Variants in HCK observed in about 807,000 individuals in gnomAD.
HCK encodes tyrosine-protein kinase HCK.
In HCK, 40 loss-of-function variants were observed where a neutral mutation model predicts 70.4. The observed-to-expected ratio is 0.57, with a 90% CI of 0.44 to 0.74. HCK has a LOEUF of 0.74. Among genes scored for constraint, HCK ranks in the 30% least tolerant of loss-of-function variants. The probability of loss-of-function intolerance (pLI) is 0.00; values close to 1 mark genes in which losing one functional copy is unlikely to be tolerated. For missense variants in HCK, 568 were observed against 697.2 expected (o/e 0.81, Z 2.09); for synonymous variants, 245 against 263.2 (o/e 0.93, Z 0.67).
At chr20:32,075,128 G>T (rs1475860264) in intron 5 of HCK, among the ~76,000 whole-genome samples, 3 of 152,152 alleles carry the variant, frequency 2.0e-5, no homozygotes, top group Admixed American at 1.3e-4. Flanking sequence ...TGAAGCACAC[G>T]GTCTTGCCAA....
Position 32,061,311 on chromosome 20 carries a change from G to A in HCK, c.62+8825G>A, listed in dbSNP as rs537662932. Among the ~76,000 whole-genome samples the A allele has an allele frequency of 1.1e-4, 16 of 152,310 alleles. 1 individual carries two copies. The East Asian group carries it at 2.7e-3, about 26-fold the overall frequency. On this transcript the variant is annotated intron_variant, in intron 1 of 12. Coordinates refer to ENST00000375852, the MANE Select transcript of HCK (RefSeq NM_002110.5). ...TGCCATTCTAAGGAAAGTTTGTCAAGGCTGTTAAGGAGCCCTTGGCCAAAG... is the reference window on the plus strand; with the variant it reads ...TGCCATTCTAAGGAAAGTTTGTCAAAGCTGTTAAGGAGCCCTTGGCCAAAG...
chr20:32,080,704 G>T (rs2045697398), intron 6 of HCK, among the ~76,000 whole-genome samples: 1 of 152,080 alleles, frequency 6.6e-6, no homozygotes, highest in Non-Finnish European at 1.5e-5. Context: ...TAGAGATGGG[G>T]TTTTGCCATG....
rs1464066274 is a variant in HCK at position 32,094,796 on chromosome 20, A to G, written c.1246+780A>G. On this transcript the variant is annotated intron_variant, in intron 11 of 12. Transcript: ENST00000375852. Reference sequence around the variant, plus strand: ...AAGAAAGAGAGAGAAAGAGAAAGAAAGAAAGAAAGAAAGAAAGAAAGAAAG... The same window carrying G: ...AAGAAAGAGAGAGAAAGAGAAAGAAGGAAAGAAAGAAAGAAAGAAAGAAAG... Among the ~76,000 whole-genome samples, 111 of 12,552 alleles carry G rather than the reference A, an allele frequency of 8.8e-3. 1 individual carries two copies. The highest frequency in any genetic ancestry group is 0.025 in the South Asian group (6 of 236). The allele number at this position is 12,552 out of a possible 152,430, so 8.2% of individuals were successfully genotyped here.
At chr20:32,077,495 A>G (rs1031948183) in intron 5 of HCK, among the ~76,000 whole-genome samples, 2 of 150,010 alleles carry the variant, frequency 1.3e-5, no homozygotes, top group East Asian at 1.9e-4. Flanking sequence ...CAGACCTTCC[A>G]TGCAGCACCT....
intron 1 of HCK, among the ~76,000 whole-genome samples, chr20:32,068,983 A>G (rs908288096): frequency 1.1e-4 from 16 of 152,148 alleles, no homozygotes; most frequent in African/African-American, 3.9e-4. Context: ...AATGGAACTC[A>G]TGGGAATTCC....
At chr20:32,071,574 G>T in intron 1 of HCK, 88 bp from the exon 2 acceptor site, 1 of 1,546,716 alleles carries the variant, frequency 6.5e-7, no homozygotes, top group Non-Finnish European at 8.8e-7. Context: ...CCAGCCCGGG[G>T]GCAGGGGACC....
At chr20:32,066,602 T>G (rs1032743443) in intron 1 of HCK, among the ~76,000 whole-genome samples, 6 of 152,126 alleles carry the variant, frequency 3.9e-5, no homozygotes, top group Non-Finnish European at 7.4e-5. Context: ...CATGAGCCAC[T>G]GCACCCAGCC....
intron 6 of HCK, 46 bp from the exon 7 acceptor site, chr20:32,083,847 AG>A: frequency 6.2e-7 from 1 of 1,609,534 alleles, no homozygotes; most frequent in Non-Finnish European, 8.5e-7. Flanking sequence ...GCAAGGTGGC[AG>A]GCCTCCAAGA....
At chr20:32,091,988 A>G (rs2045870004) in intron 10 of HCK, among the ~76,000 whole-genome samples, 1 of 151,810 alleles carries the variant, frequency 6.6e-6, no homozygotes, top group African/African-American at 2.4e-5. Flanking sequence ...AAAAGAAAAA[A>G]AAAAAGAAGA....
Position 32,101,688 on chromosome 20 carries a change from T to C in HCK, c.*169T>C, listed in dbSNP as rs1268469039. On this transcript the variant is annotated 3_prime_UTR_variant, in exon 13 of 13. Coordinates refer to ENST00000375852, the MANE Select transcript of HCK (RefSeq NM_002110.5). Reference sequence around the variant, plus strand: ...GTAGGTTGGACTGGAAAATCTCTTTTTGACTCTTGCAATCCACAATCTGAC... The same window carrying C: ...GTAGGTTGGACTGGAAAATCTCTTTCTGACTCTTGCAATCCACAATCTGAC... 3.7e-6 allele frequency: 2 copies of C among 539,344 alleles called. No homozygotes were observed. The highest frequency in any genetic ancestry group is 3.8e-5 in the African/African-American group (2 of 52,722). 33.4% of individuals were successfully genotyped at this position (539,344 alleles called of 1,614,324 possible). A position where few individuals can be genotyped will look rare whatever the true frequency, so the allele number is the denominator to read the frequency against.
rs771075347 is a variant in HCK, at chr20:32,101,755, A to G, written c.*236A>G. The G allele has an allele frequency of 7.1e-6, 3 of 425,228 alleles. No individual in the cohort carries two copies. The highest frequency in any genetic ancestry group is 1.3e-5 in the Non-Finnish European group (3 of 238,136). 26.3% of individuals were successfully genotyped at this position (425,228 alleles called of 1,614,324 possible). ...CAAGTTGATATTTCTATTTCCTGGA[A>G]TGGTTGGATTTTAGTTACAGCTGTG... is the stretch of plus-strand genomic sequence containing the variant. On this transcript the variant is annotated 3_prime_UTR_variant, in exon 13 of 13. Transcript: ENST00000375852.
At chr20:32,060,518 C>T (rs1186287988) in intron 1 of HCK, among the ~76,000 whole-genome samples, 1 of 152,182 alleles carries the variant, frequency 6.6e-6, no homozygotes, top group Non-Finnish European at 1.5e-5. Flanking sequence ...GCTGGGATTG[C>T]AGGCATGAGC....
chr20:32,090,244 T>C (rs911113226), intron 10 of HCK, among the ~76,000 whole-genome samples: 10 of 152,154 alleles, frequency 6.6e-5, no homozygotes, highest in African/African-American at 2.4e-4. Flanking sequence ...ACTCTGCCCG[T>C]TTCACAGAGG....
chr20:32,070,491 T>A (rs2045520824), intron 1 of HCK, among the ~76,000 whole-genome samples: 1 of 152,274 alleles, frequency 6.6e-6, no homozygotes, highest in Admixed American at 6.5e-5. Context: ...CATTTGCTGT[T>A]CCCTCTGCCT....
chr20:32,094,761 G>GAAAGAAAGA (rs776580530), intron 11 of HCK, among the ~76,000 whole-genome samples: 1 of 117,158 alleles, frequency 8.5e-6, no homozygotes, highest in African/African-American at 3.3e-5. Context: ...AAGAAAGAAA[G>GAAAGAAAGA]AAGGAAAGAA....
At chr20:32,095,735 A>G (rs973453103) in intron 11 of HCK, among the ~76,000 whole-genome samples, 3 of 152,202 alleles carry the variant, frequency 2.0e-5, no homozygotes, top group African/African-American at 7.2e-5. Flanking sequence ...TACACTTTAA[A>G]TGGGTGAAAT....
intron 10 of HCK, 75 bp downstream of exon 10, chr20:32,088,719 C>T (rs1181165570): frequency 2.3e-5 from 24 of 1,059,530 alleles, no homozygotes; most frequent in Non-Finnish European, 3.2e-5. Context: ...TTACTGACCA[C>T]ATACTATGAT....
chr20:32,058,828 G>A (rs181086742), intron 1 of HCK, among the ~76,000 whole-genome samples: 15 of 152,282 alleles, frequency 9.9e-5, no homozygotes, highest in Admixed American at 7.8e-4. Context: ...TTACCACTGC[G>A]GGCACCTGGA....
In HCK at chr20:32,101,413, G is replaced by A. The variant is rs760472522; in HGVS notation, c.1475G>A (p.Arg492His). ...GAGGAGCTCTACAACATCATGATGC[G>A]CTGCTGGAAAAACCGTCCGGAGGAG... The change falls in exon 13 of 13, where the codon CGC (arginine) becomes CAC (histidine). Residue 492 changes from arginine to histidine, a missense_variant. Physicochemically the swap from Arg to His is conservative, Grantham distance 29. Coordinates refer to ENST00000375852, the MANE Select transcript of HCK (RefSeq NM_002110.5). The A allele has an allele frequency of 1.4e-5, 23 of 1,614,054 alleles. No homozygotes were observed. The highest frequency in any genetic ancestry group is 1.8e-5 in the Non-Finnish European group (21 of 1,180,046).
Sources: allele counts gnomAD v4.1 joint callset (sites outside exome capture counted in the v4.1 genomes callset), GRCh38; gene constraint gnomAD v4.1.1; transcripts MANE v1.5; gene names NCBI Gene and HGNC (gene_info 2026-07-23, HGNC 2026-07-21).